PTK2B: variants seen among roughly 807,000 people sequenced by gnomAD.
PTK2B encodes protein tyrosine kinase 2 beta, also known as protein-tyrosine kinase 2-beta.
PTK2B carries 71 observed loss-of-function variants against 142.9 expected under a neutral mutation model. The observed-to-expected ratio is 0.50, with a 90% CI of 0.41 to 0.61. The LOEUF (loss-of-function observed/expected upper bound fraction) is 0.61, where lower values mean the gene tolerates loss of function less well. Among genes scored for constraint, PTK2B ranks in the 20% least tolerant of loss-of-function variants. The pLI, the probability that PTK2B is intolerant of heterozygous loss-of-function variation, is 0.00. For missense variants in PTK2B, 1,105 were observed against 1,320.4 expected, an observed-to-expected ratio of 0.84 and a Z score of 2.53; for synonymous variants, 519 against 503.4, an observed-to-expected ratio of 1.03 and a Z score of -0.42.
chr8:27,349,129 G>A (rs1804890972), intron 1 of PTK2B, among the ~76,000 whole-genome samples: 1 of 152,162 alleles, frequency 6.6e-6, no homozygotes, highest in Non-Finnish European at 1.5e-5. Flanking sequence ...ATTAGAAATT[G>A]GATCATTGTG....
At chr8:27,364,830 T>C (rs1220627910) in intron 1 of PTK2B, among the ~76,000 whole-genome samples, 3 of 152,174 alleles carry the variant, frequency 2.0e-5, no homozygotes, top group Admixed American at 6.5e-5. Context: ...CTTCATCTAC[T>C]CCTTTTTCCT....
intron 1 of PTK2B, among the ~76,000 whole-genome samples, chr8:27,385,738 C>T (rs974140969): frequency 6.6e-6 from 1 of 151,916 alleles, no homozygotes; most frequent in Admixed American, 6.6e-5. Context: ...ACTAAAAATA[C>T]AAAAAATAGC....
intron 1 of PTK2B, among the ~76,000 whole-genome samples, chr8:27,392,513 C>T (rs1419823259): frequency 6.6e-6 from 1 of 152,104 alleles, no homozygotes; most frequent in African/African-American, 2.4e-5. Flanking sequence ...ATGAGGAAAA[C>T]AGGGTAGGCA....
chr8:27,449,667 A>C (rs1186650335), intron 24 of PTK2B, among the ~76,000 whole-genome samples: 2 of 152,242 alleles, frequency 1.3e-5, no homozygotes, highest in African/African-American at 4.8e-5. Context: ...TTCCTCCTCC[A>C]TCTGTCCAGG....
intron 2 of PTK2B, among the ~76,000 whole-genome samples, chr8:27,412,900 T>G (rs6996432): frequency 0.43 from 65,834 of 152,086 alleles, 14,797 homozygotes; most frequent in African/African-American, 0.53. Context: ...GGGGAGAAGG[T>G]GCACGGCCGT....
intron 1 of PTK2B, among the ~76,000 whole-genome samples, chr8:27,327,144 G>A (rs1803467859): frequency 6.6e-6 from 1 of 152,202 alleles, no homozygotes; most frequent in African/African-American, 2.4e-5. Flanking sequence ...CAGGAGGCTG[G>A]AAGCAGCGGG....
chr8:27,440,184 G>T, intron 20 of PTK2B, 53 bp from the exon 21 acceptor site: 1 of 1,562,238 alleles, frequency 6.4e-7, no homozygotes, highest in African/African-American at 1.4e-5. Flanking sequence ...GTGCTTCTGG[G>T]TGGGAGGGAC....
At chr8:27,378,739 T>C (rs1240591455) in intron 1 of PTK2B, among the ~76,000 whole-genome samples, 1 of 151,524 alleles carries the variant, frequency 6.6e-6, no homozygotes, top group Non-Finnish European at 1.5e-5. Flanking sequence ...GGTGTAGACA[T>C]AACCCCCACA....
At chr8:27,400,447 T>TAA (rs61165579) in intron 2 of PTK2B, among the ~76,000 whole-genome samples, 11 of 136,810 alleles carry the variant, frequency 8.0e-5, no homozygotes, top group Admixed American at 6.7e-4. Flanking sequence ...AGGATTGAAT[T>TAA]AAAAAAAAAA....
intron 5 of PTK2B, among the ~76,000 whole-genome samples, chr8:27,425,140 CAT>C (rs1354822053): frequency 1.3e-5 from 2 of 151,390 alleles, no homozygotes; most frequent in East Asian, 1.9e-4. Context: ...TAGTATATAA[CAT>C]ATATATGCTA....
At chr8:27,410,464 G>A (rs533384313) in intron 2 of PTK2B, among the ~76,000 whole-genome samples, 10 of 152,326 alleles carry the variant, frequency 6.6e-5, no homozygotes, top group African/African-American at 2.4e-4. Flanking sequence ...CTTAGGCAAG[G>A]GCCACTCTTT....
rs138677739 is a variant in PTK2B, at chr8:27,368,126, G to A, written c.-37-29422G>A. Among the ~76,000 whole-genome samples, 450 of 152,368 alleles carry A rather than the reference G, an allele frequency of 3.0e-3. 6 individuals are homozygous for A. Among genetic ancestry groups the A allele is most frequent in the African/African-American group, 9.6e-3 (399 of 41,588 alleles). On this transcript the variant is annotated intron_variant, in intron 1 of 30. Transcript: ENST00000346049. ...AGCAGACGCCAGATGGCCTAGGACCGTCCTTTCTCTCTGCCATGGAGTGAG... is the reference window on the plus strand; with the variant it reads ...AGCAGACGCCAGATGGCCTAGGACCATCCTTTCTCTCTGCCATGGAGTGAG...
At chr8:27,406,360 G>A (rs956144444) in intron 2 of PTK2B, among the ~76,000 whole-genome samples, 2 of 151,974 alleles carry the variant, frequency 1.3e-5, no homozygotes, top group African/African-American at 4.8e-5. Flanking sequence ...ATCTTTTGGG[G>A]GCCACCATTC....
In PTK2B at chr8:27,439,129, A is replaced by T. The variant is rs758516589; in HGVS notation, c.1742A>T (p.Lys581Ile). 6.2e-7 allele frequency: 1 copy of T among 1,612,362 alleles called. No individual in the cohort carries two copies. The highest frequency in any genetic ancestry group is 1.3e-5 in the African/African-American group (1 of 74,966). Residue 581 changes from lysine to isoleucine, a missense_variant and splice_region_variant, in exon 19 of 31, where the codon AAA (lysine) becomes ATA (isoleucine). By Grantham distance (102) the Lys-to-Ile change is moderately radical (BLOSUM62 -3). Coordinates refer to ENST00000346049, the MANE Select transcript of PTK2B (RefSeq NM_173176.3). ...TACATTGAGGACGAGGACTATTACA[A>T]AGGTGAGGGGGCTTCCCAGCCTCTG... ...SRYIEDEDYY[K>I]ASVTRLPIKW...
At chr8:27,361,094 A>G (rs1805673443) in intron 1 of PTK2B, among the ~76,000 whole-genome samples, 1 of 152,210 alleles carries the variant, frequency 6.6e-6, no homozygotes, top group African/African-American at 2.4e-5. Flanking sequence ...TACCCATTAA[A>G]TAATTTCCTA....
At chr8:27,440,495 G>A (rs1811093465) in intron 21 of PTK2B, 54 bp downstream of exon 21, 1 of 1,565,084 alleles carries the variant, frequency 6.4e-7, no homozygotes, top group Admixed American at 1.7e-5. Flanking sequence ...GCACCAGGGA[G>A]CAAGACCAGC....
chr8:27,411,452 G>A (rs1809058297), intron 2 of PTK2B, among the ~76,000 whole-genome samples: 1 of 152,166 alleles, frequency 6.6e-6, no homozygotes, highest in Non-Finnish European at 1.5e-5. Flanking sequence ...GGGCCTATGT[G>A]TGTGCACGAG....
intron 27 of PTK2B, chr8:27,452,015 A>C (rs1811850434): frequency 6.3e-6 from 1 of 159,408 alleles, no homozygotes; most frequent in Non-Finnish European, 1.4e-5. Context: ...GGTGGCATTG[A>C]GGAGGAGGAT....
chr8:27,387,584 G>A (rs1807447190), intron 1 of PTK2B, among the ~76,000 whole-genome samples: 2 of 152,126 alleles, frequency 1.3e-5, no homozygotes, highest in South Asian at 4.1e-4. Flanking sequence ...CTAGAAGACG[G>A]CCTCTCAAAC....
Sources: allele counts gnomAD v4.1 joint callset (sites outside exome capture counted in the v4.1 genomes callset), GRCh38; gene constraint gnomAD v4.1.1; transcripts MANE v1.5; gene names NCBI Gene and HGNC (gene_info 2026-07-23, HGNC 2026-07-21).